UNC5C: variants seen among roughly 807,000 people sequenced by gnomAD.
UNC5C encodes unc-5 netrin receptor C, also known as netrin receptor UNC5C.
A neutral mutation model predicts 99.8 loss-of-function variants in UNC5C; 47 were observed. The ratio of observed to expected loss-of-function variants is 0.47; its 90% CI spans 0.37 to 0.60. UNC5C has a LOEUF of 0.60. Among genes scored for constraint, UNC5C ranks in the 20% least tolerant of loss-of-function variants. UNC5C has a pLI of 0.00. For missense variants in UNC5C, 1,062 were observed against 1,165.9 expected (o/e 0.91, Z 1.30); for synonymous variants, 487 against 452.2 (o/e 1.08, Z -0.98).
At chr4:95,345,302 A>G (rs1386222469) in intron 1 of UNC5C, among the ~76,000 whole-genome samples, 1 of 152,022 alleles carries the variant, frequency 6.6e-6, no homozygotes, top group African/African-American at 2.4e-5. Context: ...GCAAGAGGGC[A>G]TAACAATTGT....
At chr4:95,205,458 A>G (rs1737841982) in intron 11 of UNC5C, among the ~76,000 whole-genome samples, 1 of 152,124 alleles carries the variant, frequency 6.6e-6, no homozygotes, top group Admixed American at 6.6e-5. Flanking sequence ...GAACATGCCC[A>G]TAGGAAGGAA....
chr4:95,532,807 A>G (rs185863857), intron 1 of UNC5C, among the ~76,000 whole-genome samples: 2 of 151,720 alleles, frequency 1.3e-5, no homozygotes, highest in Non-Finnish European at 2.9e-5. Context: ...GGTCCGGGAG[A>G]TTGTAATGAC....
intron 1 of UNC5C, among the ~76,000 whole-genome samples, chr4:95,539,064 A>T (rs946589402): frequency 6.6e-6 from 1 of 152,178 alleles, no homozygotes; most frequent in African/African-American, 2.4e-5. Context: ...GAACAGTACA[A>T]CTGACCTCTT....
At chr4:95,254,273 G>A (rs60308122) in intron 4 of UNC5C, among the ~76,000 whole-genome samples, 58,907 of 151,952 alleles carry the variant, frequency 0.39, 11,849 homozygotes, top group East Asian at 0.54. Context: ...CGCTTCCAAC[G>A]TCTTGGCCCT....
intron 1 of UNC5C, among the ~76,000 whole-genome samples, chr4:95,347,797 A>G (rs984457020): frequency 6.6e-6 from 1 of 152,072 alleles, no homozygotes; most frequent in Non-Finnish European, 1.5e-5. Context: ...ACCTCAAACC[A>G]TGGAACCACT....
At chr4:95,529,224 C>T (rs1722575543) in intron 1 of UNC5C, among the ~76,000 whole-genome samples, 1 of 149,112 alleles carries the variant, frequency 6.7e-6, no homozygotes, top group South Asian at 2.1e-4. Context: ...TTTTTTTCCT[C>T]CATTAAAAAA....
intron 1 of UNC5C, among the ~76,000 whole-genome samples, chr4:95,477,604 T>C (rs933810135): frequency 2.0e-5 from 3 of 152,024 alleles, no homozygotes; most frequent in Non-Finnish European, 4.4e-5. Flanking sequence ...TCTGATGTGC[T>C]CATCCCTGTC....
chr4:95,460,100 G>T (rs992163455), intron 1 of UNC5C, among the ~76,000 whole-genome samples: 1 of 151,656 alleles, frequency 6.6e-6, no homozygotes, highest in Admixed American at 6.6e-5. Context: ...TTAAAAAGGA[G>T]TAGGAGTCAC....
chr4:95,349,799 C>T (rs574034172), intron 1 of UNC5C, among the ~76,000 whole-genome samples: 1 of 152,072 alleles, frequency 6.6e-6, no homozygotes, highest in East Asian at 2.0e-4. Context: ...GCCTTTATCT[C>T]ATTTTTCTCT....
intron 1 of UNC5C, among the ~76,000 whole-genome samples, chr4:95,501,953 CAGA>C (rs550931854): frequency 2.6e-4 from 40 of 152,234 alleles, no homozygotes; most frequent in Middle Eastern, 3.4e-3. Context: ...TCAGCCACAG[CAGA>C]AGAAGAGAGG....
intron 1 of UNC5C, among the ~76,000 whole-genome samples, chr4:95,348,926 A>T (rs1280406789): frequency 2.1e-5 from 3 of 142,088 alleles, no homozygotes; most frequent in African/African-American, 5.2e-5. Context: ...AAACAATCGA[A>T]CTCATGGAGA....
Position 95,208,168 on chromosome 4 carries a change from C to T in UNC5C, c.1734-1372G>A, listed in dbSNP as rs146540602. Among the ~76,000 whole-genome samples the T allele has an allele frequency of 1.5e-3, 234 of 152,244 alleles. No individual in the cohort carries two copies. The Middle Eastern group carries it at 0.017, about 11-fold the overall frequency. ...ATGAGAGAGTATTTTCTTTGATTTG[C>T]CATCTGTGTTTGTATTCATGCCTCA... On this transcript the variant is annotated intron_variant, in intron 10 of 15. Transcript: ENST00000453304.
At chr4:95,269,167 A>G (rs1395811322) in intron 4 of UNC5C, among the ~76,000 whole-genome samples, 1 of 152,244 alleles carries the variant, frequency 6.6e-6, no homozygotes, top group Non-Finnish European at 1.5e-5. Flanking sequence ...TAACCTGGCT[A>G]TATATCATGT....
chr4:95,279,941 G>A (rs1560767115), intron 3 of UNC5C, among the ~76,000 whole-genome samples: 1 of 152,242 alleles, frequency 6.6e-6, no homozygotes, highest in African/African-American at 2.4e-5. Context: ...CTCATAAGAA[G>A]TGTGCAACCT....
chr4:95,419,364 C>T (rs1430444950), intron 1 of UNC5C, among the ~76,000 whole-genome samples: 1 of 152,176 alleles, frequency 6.6e-6, no homozygotes, highest in Non-Finnish European at 1.5e-5. Context: ...TAGCATTTTA[C>T]TCCATTTGCC....
intron 1 of UNC5C, among the ~76,000 whole-genome samples, chr4:95,487,483 C>T (rs1179898206): frequency 6.6e-6 from 1 of 150,466 alleles, no homozygotes; most frequent in Admixed American, 6.7e-5. Flanking sequence ...TTTTAATACT[C>T]ATACTATAAA....
In UNC5C at chr4:95,369,856, G is replaced by C. The variant is rs112022666; in HGVS notation, c.125-34225C>G. ...GCAGAGGAAGAAAACGAGTTGAAATGACAAGTATGGATAAAACTGCTTTTT... is the reference window on the plus strand; with the variant it reads ...GCAGAGGAAGAAAACGAGTTGAAATCACAAGTATGGATAAAACTGCTTTTT... On this transcript the variant is annotated intron_variant, in intron 1 of 15. Transcript: ENST00000453304. 2.8e-3 allele frequency among the ~76,000 whole-genome samples: 423 copies of C among 151,338 alleles called. 2 individuals carry two copies. Among genetic ancestry groups the C allele is most frequent in the African/African-American group, 9.2e-3 (379 of 41,420 alleles).
chr4:95,407,420 G>A (rs1745861286), intron 1 of UNC5C, among the ~76,000 whole-genome samples: 1 of 151,966 alleles, frequency 6.6e-6, no homozygotes, highest in South Asian at 2.1e-4. Context: ...CAGGGCAGTG[G>A]GCAGAGAAAT....
Position 95,162,705 on chromosome 4 carries a change from A to G in UNC5C, c.*6529T>C, listed in dbSNP as rs1439569207. 2 of 152,170 alleles carry G rather than the reference A, an allele frequency of 1.3e-5. No homozygotes were observed. Among genetic ancestry groups the G allele is most frequent in the Non-Finnish European group, 2.9e-5 (2 of 68,042 alleles). 9.4% of individuals were successfully genotyped at this position (152,170 alleles called of 1,614,324 possible). ...CACCACTCAGCAAGGCGCCGGACAG[A>G]TATCCGGAGGGCACTCTGCCTCTGC... On this transcript the variant is annotated 3_prime_UTR_variant, in exon 16 of 16. Transcript: ENST00000453304.
Sources: allele counts gnomAD v4.1 joint callset (sites outside exome capture counted in the v4.1 genomes callset), GRCh38; gene constraint gnomAD v4.1.1; transcripts MANE v1.5; gene names NCBI Gene and HGNC (gene_info 2026-07-23, HGNC 2026-07-21).